RSPH6A: variants seen among roughly 807,000 people sequenced by gnomAD.
The protein encoded by RSPH6A is radial spoke head 6 homolog A, also known as radial spoke head protein 6 homolog A.
RSPH6A carries 49 observed loss-of-function variants against 66.1 expected under a neutral mutation model. The ratio of observed to expected loss-of-function variants is 0.74; its 90% CI spans 0.59 to 0.94. RSPH6A has a LOEUF of 0.94. Ranked by LOEUF, RSPH6A falls within the 40% of genes least tolerant of loss-of-function variation. The probability of loss-of-function intolerance (pLI) is 0.00; values close to 1 mark genes in which losing one functional copy is unlikely to be tolerated. For synonymous variants in RSPH6A, 419 were observed against 402.4 expected (o/e 1.04, Z -0.49); for missense variants, 977 against 948.3 (o/e 1.03, Z -0.40).
intron 2 of RSPH6A, among the ~76,000 whole-genome samples, chr19:45,809,946 C>T (rs970940459): frequency 2.0e-5 from 3 of 152,154 alleles, no homozygotes; most frequent in Non-Finnish European, 4.4e-5. Context: ...TTTTATGAGT[C>T]ATTTCCTAGA....
At chr19:45,802,012 G>T (rs1292938842) in intron 4 of RSPH6A, 108 bp downstream of exon 4, 2 of 1,165,036 alleles carry the variant, frequency 1.7e-6, no homozygotes, top group Non-Finnish European at 2.2e-6. Flanking sequence ...GAGCCTCTGA[G>T]CCTGGGAGGG....
chr19:45,796,158 GAC>G, intron 5 of RSPH6A, 52 bp from the exon 6 acceptor site: 1 of 1,133,312 alleles, frequency 8.8e-7, no homozygotes, highest in African/African-American at 1.7e-5. Context: ...CCCCAGACTT[GAC>G]TTTTTTTTTT....
Position 45,814,686 on chromosome 19 carries a change from C to T in RSPH6A, c.491G>A (p.Gly164Glu). ...TDQFSEGAQHGPYIRDDPALQ... is the reference protein window; with the variant it reads ...TDQFSEGAQHEPYIRDDPALQ... ...GGCAGGGTCATCCCTTATGTAAGGC[C>T]CGTGCTGGGCACCTTCAGAGAACTG... The change falls in exon 1 of 6, where the codon GGG becomes GAG. Residue 164 changes from glycine to glutamate, a missense_variant. By Grantham distance (98) the Gly-to-Glu change is moderately conservative. Coordinates refer to ENST00000221538, the MANE Select transcript of RSPH6A (RefSeq NM_030785.4). The T allele has an allele frequency of 1.2e-6, 2 of 1,612,216 alleles. No homozygotes were observed. Among genetic ancestry groups the T allele is most frequent in the Non-Finnish European group, 1.7e-6 (2 of 1,179,030 alleles).
In RSPH6A at chr19:45,802,211, CAG is replaced by C; in HGVS notation, c.1705_1706del (p.Leu569GlyfsTer9). ...PLQKTEEEED[L>X]GEEEEKADEG... ...CATCTGCCTTCTCTTCCTCCTCCCC[CAG>C]GTCCTCCTCCTCCTCTGTCTTCTGC... On this transcript the variant is annotated frameshift_variant, in exon 4 of 6. Transcript: ENST00000221538. LOFTEE classifies it high-confidence loss of function. 6.4e-7 allele frequency: 1 copy of C among 1,551,216 alleles called. No homozygotes were observed. Among genetic ancestry groups the C allele is most frequent in the African/African-American group, 1.4e-5 (1 of 72,782 alleles).
Position 45,800,566 on chromosome 19 carries a change from G to C in RSPH6A, c.1799-3C>G, listed in dbSNP as rs372499875. On this transcript the variant is annotated splice_region_variant and splice_polypyrimidine_tract_variant and intron_variant, in intron 4 of 5. Coordinates refer to ENST00000221538, the MANE Select transcript of RSPH6A (RefSeq NM_030785.4). Reference sequence around the variant, plus strand: ...CCAGGGTGCCAGGTGCATGATTTCTGTGGTGGAGAGGCAGCAGAGGGGGGC... The same window carrying C: ...CCAGGGTGCCAGGTGCATGATTTCTCTGGTGGAGAGGCAGCAGAGGGGGGC... 6.2e-7 allele frequency: 1 copy of C among 1,609,236 alleles called. No homozygotes were observed. Among genetic ancestry groups the C allele is most frequent in the African/African-American group, 1.3e-5 (1 of 74,920 alleles).
At chr19:45,799,224 G>C (rs1970440864) in intron 5 of RSPH6A, among the ~76,000 whole-genome samples, 1 of 152,218 alleles carries the variant, frequency 6.6e-6, no homozygotes, top group Admixed American at 6.5e-5. Flanking sequence ...GACAAAGCTG[G>C]TAGGTGCGCC....
At position 45,805,027 on chromosome 19, in the gene RSPH6A, T is replaced by G. The variant is rs910562818; in HGVS notation, c.889-11A>C. The G allele has an allele frequency of 1.3e-6, 2 of 1,597,198 alleles. No homozygotes were observed. Among genetic ancestry groups the G allele is most frequent in the African/African-American group, 2.7e-5 (2 of 74,654 alleles). On this transcript the variant is annotated splice_polypyrimidine_tract_variant and intron_variant, in intron 2 of 5. Coordinates refer to ENST00000221538, the MANE Select transcript of RSPH6A (RefSeq NM_030785.4). ...CACTGGTGTCTCCCCCTGCGCAGGG[T>G]AGGGTGGAGGGCAGAGGGGAGAATG...
chr19:45,797,361 A>T (rs1470371495), intron 5 of RSPH6A, among the ~76,000 whole-genome samples: 1 of 151,184 alleles, frequency 6.6e-6, no homozygotes, highest in South Asian at 2.1e-4. Context: ...AGCCTGGGTG[A>T]CAGAGTGAGA....
chr19:45,806,182 G>A (rs1970540638), intron 2 of RSPH6A, among the ~76,000 whole-genome samples: 1 of 152,166 alleles, frequency 6.6e-6, no homozygotes, highest in African/African-American at 2.4e-5. Flanking sequence ...TGATGTTAGA[G>A]GATGGTAATA....
intron 5 of RSPH6A, among the ~76,000 whole-genome samples, chr19:45,796,590 G>A (rs1368967028): frequency 6.6e-6 from 1 of 151,562 alleles, no homozygotes; most frequent in Non-Finnish European, 1.5e-5. Flanking sequence ...TGGGTTCACT[G>A]CAAAATCTGC....
rs74905660 is a variant in RSPH6A at position 45,800,225 on chromosome 19, T to G, written c.1916+221A>C. Among the ~76,000 whole-genome samples the G allele has an allele frequency of 7.8e-3, 1,195 of 152,328 alleles. 20 individuals are homozygous for G. Among genetic ancestry groups the G allele is most frequent in the African/African-American group, 0.027 (1,134 of 41,570 alleles). On this transcript the variant is annotated intron_variant, in intron 5 of 5. Coordinates refer to ENST00000221538, the MANE Select transcript of RSPH6A (RefSeq NM_030785.4). Reference sequence around the variant, plus strand: ...AGTCCCTCCCACTCTCTTATTCTCCTTGCTCTCATCATGACTCATCACCAA... The same window carrying G: ...AGTCCCTCCCACTCTCTTATTCTCCGTGCTCTCATCATGACTCATCACCAA...
At chr19:45,812,951 C>T (rs559044001) in intron 1 of RSPH6A, among the ~76,000 whole-genome samples, 8 of 152,174 alleles carry the variant, frequency 5.3e-5, no homozygotes, top group Admixed American at 2.0e-4. Flanking sequence ...CTGCCTCAGC[C>T]TCCCAAAGTG....
At chr19:45,811,750 T>TAATA (rs151178212) in intron 1 of RSPH6A, among the ~76,000 whole-genome samples, 1 of 44,510 alleles carries the variant, frequency 2.2e-5, no homozygotes, top group East Asian at 6.7e-4. Context: ...TTTGTATTAT[T>TAATA]ATTATTATTA....
At position 45,814,460 on chromosome 19, in the gene RSPH6A, AG is replaced by A; in HGVS notation, c.650+66del. ...GATCCCTTGTCTGACTGACTGAGGCAGGCACTTCGGGTGGGGCCCCTCCCTG... is the reference window on the plus strand; with the variant it reads ...GATCCCTTGTCTGACTGACTGAGGCAGCACTTCGGGTGGGGCCCCTCCCTG... On this transcript the variant is annotated intron_variant, in intron 1 of 5. Coordinates refer to ENST00000221538, the MANE Select transcript of RSPH6A (RefSeq NM_030785.4). 2.1e-6 allele frequency: 3 copies of A among 1,396,464 alleles called. No individual in the cohort carries two copies. The South Asian group carries it at 4.9e-5, about 23-fold the overall frequency. 86.5% of individuals were successfully genotyped at this position (1,396,464 alleles called of 1,614,324 possible).
intron 2 of RSPH6A, among the ~76,000 whole-genome samples, chr19:45,805,829 C>G (rs1220780872): frequency 6.6e-6 from 1 of 151,974 alleles, no homozygotes; most frequent in Non-Finnish European, 1.5e-5. Flanking sequence ...AAGGGAAAAC[C>G]ACACTAGGAG....
Position 45,804,497 on chromosome 19 carries a change from A to G in RSPH6A, c.1408T>C (p.Tyr470His). ...TGYLDTPVVS[Y>H]PPFPGNEANY... ...GCCTCGTTGCCCGGGAAGGGTGGGT[A>G]GCTGACGACTGGCGTGTCCAGGTAG... Residue 470 changes from tyrosine to histidine, a missense_variant, in exon 3 of 6, where the codon TAC (tyrosine) becomes CAC (histidine). Coordinates refer to ENST00000221538, the MANE Select transcript of RSPH6A (RefSeq NM_030785.4). The surrounding 1 kb of genome is among the most constrained non-coding windows in gnomAD (Gnocchi z 5.8). The G allele has an allele frequency of 6.2e-7, 1 of 1,614,142 alleles. No individual in the cohort carries two copies. The highest frequency in any genetic ancestry group is 1.1e-5 in the South Asian group (1 of 91,080).
rs536242901 is a variant in RSPH6A at position 45,810,966 on chromosome 19, C to T, written c.651-126G>A. ...GTAGGGAACTGAAAAGGTCCCTGCC[C>T]AGGTGTAGCTGACATTTATTTATTT... On this transcript the variant is annotated intron_variant, in intron 1 of 5. Coordinates refer to ENST00000221538, the MANE Select transcript of RSPH6A (RefSeq NM_030785.4). 4.3e-5 allele frequency: 25 copies of T among 583,900 alleles called. 1 individual carries two copies. The South Asian group carries it at 6.8e-4, about 16-fold the overall frequency. 36.2% of individuals were successfully genotyped at this position (583,900 alleles called of 1,614,324 possible). A position where few individuals can be genotyped will look rare whatever the true frequency, so the allele number is the denominator to read the frequency against.
intron 1 of RSPH6A, among the ~76,000 whole-genome samples, chr19:45,811,182 C>A (rs1970622978): frequency 6.6e-6 from 1 of 151,818 alleles, no homozygotes; most frequent in South Asian, 2.1e-4. Flanking sequence ...TTAGTAGAGA[C>A]AGGGTTTCAC....
rs1400783961 is a variant in RSPH6A, at chr19:45,804,109, G to A, written c.1653+143C>T. The A allele has an allele frequency of 1.5e-6, 1 of 668,226 alleles. No individual in the cohort carries two copies. Among genetic ancestry groups the A allele is most frequent in the Non-Finnish European group, 2.5e-6 (1 of 406,678 alleles). 41.4% of individuals were successfully genotyped at this position (668,226 alleles called of 1,614,324 possible). On this transcript the variant is annotated intron_variant, in intron 3 of 5. Transcript: ENST00000221538. The surrounding 1 kb of genome is among the most constrained non-coding windows in gnomAD (Gnocchi z 5.8). ...CTGATGGGATTATCCGCTAATATCT[G>A]TTGAACCAATGAATGGATGGATGAA...
Sources: gnomAD v4.1 joint callset for allele counts (sites outside exome capture counted in the v4.1 genomes callset) on GRCh38, gnomAD v4.1.1 for gene constraint, Gnocchi (gnomAD v3.1) non-coding constraint, MANE v1.5 for transcripts, NCBI Gene and HGNC (gene_info 2026-07-23, HGNC 2026-07-21) for gene names.